The following RBPJ variants were observed in gnomAD, a reference collection of about 807,000 sequenced individuals.
The protein encoded by RBPJ is recombination signal binding protein for immunoglobulin kappa J region.
Under a neutral mutation model 67.8 loss-of-function variants are expected in RBPJ, and 9 were observed. That is an observed-to-expected ratio of 0.13 (90% confidence interval 0.08 to 0.23). The LOEUF is 0.23. Ranked by LOEUF, RBPJ falls within the 10% of genes least tolerant of loss-of-function variation. The pLI, the probability that RBPJ is intolerant of heterozygous loss-of-function variation, is 1.00. For missense variants in RBPJ, 305 were observed against 595.6 expected (o/e 0.51, Z 5.08); for synonymous variants, 198 against 203.3 (o/e 0.97, Z 0.22).
At chr4:26,170,306 C>T (rs539103418) in intron 1 of RBPJ, among the ~76,000 whole-genome samples, 9 of 152,066 alleles carry the variant, frequency 5.9e-5, no homozygotes, top group East Asian at 5.8e-4. Context: ...TTTGGGAGGC[C>T]GAGGCGGGTG....
intron 1 of RBPJ, among the ~76,000 whole-genome samples, chr4:26,165,962 C>T (rs1021794815): frequency 4.7e-5 from 7 of 149,304 alleles, no homozygotes; most frequent in Non-Finnish European, 8.9e-5. Context: ...TGAGAACATG[C>T]GGTGTTTGGT....
chr4:26,434,741 G>A lies in RBPJ; in HGVS notation c.*3734G>A, dbSNP rs531629885. On this transcript the variant is annotated 3_prime_UTR_variant, in exon 11 of 11. Coordinates refer to ENST00000355476, the MANE Select transcript of RBPJ (RefSeq NM_015874.6). ...TGCTCTACGCATTCAGTCCTTAAGG[G>A]GTTTATTTTACAAACTGTGCGCCTG... 5.9e-5 allele frequency: 9 copies of A among 152,170 alleles called. No individual in the cohort carries two copies. The highest frequency in any genetic ancestry group is 2.2e-4 in the African/African-American group (9 of 41,534). The allele number at this position is 152,170 out of a possible 1,614,324, so 9.4% of individuals were successfully genotyped here.
intron 1 of RBPJ, among the ~76,000 whole-genome samples, chr4:26,189,573 G>T (rs1039363118): frequency 1.3e-5 from 2 of 152,004 alleles, no homozygotes; most frequent in Non-Finnish European, 2.9e-5. Flanking sequence ...CAGGAGAATC[G>T]CTTGAACCCA....
At chr4:26,320,848 C>G, upstream of RBPJ, 1 of 1,568,150 alleles carries the variant, frequency 6.4e-7, no homozygotes, top group Non-Finnish European at 8.6e-7. Context: ...GAGCAGGATC[C>G]CCTACTCTGC....
the RBPJ span, among the ~76,000 whole-genome samples, chr4:26,125,547 C>T: frequency 6.6e-6 from 1 of 152,086 alleles, no homozygotes; most frequent in African/African-American, 2.4e-5. Flanking sequence ...ACCTGTAATC[C>T]CAGCACTTTG....
the RBPJ span, among the ~76,000 whole-genome samples, chr4:26,110,577 C>T: frequency 6.6e-6 from 1 of 152,220 alleles, no homozygotes; most frequent in African/African-American, 2.4e-5. This position sits in a 1 kb window ranked among gnomAD's most constrained non-coding sequence, Gnocchi z 4.5. Flanking sequence ...TTGGCATGCA[C>T]AAACAGTATG....
In RBPJ at chr4:26,350,589, T is replaced by G. The variant is rs1026086571; in HGVS notation, c.20+29541T>G. Among the ~76,000 whole-genome samples, 42 of 152,080 alleles carry G rather than the reference T, an allele frequency of 2.8e-4. 1 individual carries two copies. The highest frequency in any genetic ancestry group is 1.2e-4 in the Non-Finnish European group (8 of 68,028). On this transcript the variant is annotated intron_variant, in intron 1 of 10. Transcript: ENST00000355476. ...CTCGGGACAAAAAACCTACAACCTA[T>G]AGACATATGATAGGTGAACAGTTCA...
the RBPJ span, among the ~76,000 whole-genome samples, chr4:26,130,498 C>T: frequency 6.6e-6 from 1 of 152,164 alleles, no homozygotes; most frequent in African/African-American, 2.4e-5. Context: ...TCTCCCCTGC[C>T]TGGTCTCAGT....
chr4:26,427,043 G>A (rs111332808), intron 7 of RBPJ, among the ~76,000 whole-genome samples: 80 of 152,266 alleles, frequency 5.3e-4, no homozygotes, highest in African/African-American at 1.9e-3. Context: ...AGAGAGCATA[G>A]CAATGCGGCC....
At chr4:26,248,122 C>G (rs969655736) in intron 1 of RBPJ, among the ~76,000 whole-genome samples, 1 of 152,102 alleles carries the variant, frequency 6.6e-6, no homozygotes, top group African/African-American at 2.4e-5. Flanking sequence ...GAAACCCTGT[C>G]TCTACTAAAA....
At chr4:26,110,653 AC>A in the RBPJ span, among the ~76,000 whole-genome samples, 2 of 152,238 alleles carry the variant, frequency 1.3e-5, no homozygotes, top group Admixed American at 6.5e-5. This position sits in a 1 kb window ranked among gnomAD's most constrained non-coding sequence, Gnocchi z 4.5. Flanking sequence ...CAGGGCATGA[AC>A]AAGTGACAAA....
chr4:26,338,464 A>G (rs887225816), intron 1 of RBPJ, among the ~76,000 whole-genome samples: 1 of 143,258 alleles, frequency 7.0e-6, no homozygotes, highest in Non-Finnish European at 1.5e-5. Context: ...TCTTACATGT[A>G]TTTTTCTTCC....
intron 1 of RBPJ, among the ~76,000 whole-genome samples, chr4:26,263,395 A>G (rs538329286): frequency 3.4e-5 from 5 of 147,368 alleles, no homozygotes; most frequent in South Asian, 2.2e-4. Context: ...ACTGCAAAGG[A>G]GTCTGGGAAA....
chr4:26,254,938 G>T (rs1223004483), intron 1 of RBPJ, among the ~76,000 whole-genome samples: 3 of 127,736 alleles, frequency 2.3e-5, no homozygotes, highest in Non-Finnish European at 4.6e-5. Flanking sequence ...CTCATCTGAA[G>T]TGATCCACCG....
chr4:26,169,154 T>C (rs1716449532), intron 1 of RBPJ, among the ~76,000 whole-genome samples: 1 of 152,178 alleles, frequency 6.6e-6, no homozygotes, highest in Admixed American at 6.5e-5. Context: ...GCTCTGCTTT[T>C]TAGAGTTTCC....
At chr4:26,265,032 G>T (rs549292681) in intron 1 of RBPJ, among the ~76,000 whole-genome samples, 5 of 152,148 alleles carry the variant, frequency 3.3e-5, no homozygotes, top group Admixed American at 6.5e-5. Context: ...AAAAATAGGG[G>T]TATAGGCAAT....
chr4:26,333,983 A>G (rs999735015), intron 1 of RBPJ, among the ~76,000 whole-genome samples: 4 of 151,850 alleles, frequency 2.6e-5, no homozygotes, highest in Non-Finnish European at 5.9e-5. Context: ...TAATTTTTAA[A>G]ATAATTTTGT....
the RBPJ span, among the ~76,000 whole-genome samples, chr4:26,118,166 G>A: frequency 5.9e-5 from 9 of 152,214 alleles, no homozygotes; most frequent in East Asian, 1.2e-3. Context: ...TGCCCACAAG[G>A]TTTCAGATAC....
rs1334663390 is a variant in RBPJ at position 26,365,261 on chromosome 4, C to T, written c.21-21092C>T. Among the ~76,000 whole-genome samples the T allele has an allele frequency of 2.0e-5, 3 of 152,132 alleles. No individual in the cohort carries two copies. In the East Asian group the frequency reaches 5.8e-4, roughly 29 times the overall value. On this transcript the variant is annotated intron_variant, in intron 1 of 10. Coordinates refer to ENST00000355476, the MANE Select transcript of RBPJ (RefSeq NM_015874.6). ...TGACTGAGTCTTGTACTCTTCTATG[C>T]TATTCCTAGAGTAAAATAAGCCATC...
Sources: allele counts gnomAD v4.1 joint callset (sites outside exome capture counted in the v4.1 genomes callset), GRCh38; gene constraint gnomAD v4.1.1; non-coding constraint Gnocchi (gnomAD v3.1); transcripts MANE v1.5; gene names NCBI Gene and HGNC (gene_info 2026-07-23, HGNC 2026-07-21).